The following GRM7 variants were observed in gnomAD, a reference collection of about 807,000 sequenced individuals.
GRM7 encodes glutamate metabotropic receptor 7.
GRM7 carries 35 observed loss-of-function variants against 84.5 expected under a neutral mutation model. The ratio of observed to expected loss-of-function variants is 0.41; its 90% confidence interval spans 0.32 to 0.55. The LOEUF (loss-of-function observed/expected upper bound fraction) is 0.55. GRM7 is among the 20% of genes least tolerant of loss of function. The probability of loss-of-function intolerance (pLI) is 0.19; values close to 1 mark genes in which losing one functional copy is unlikely to be tolerated. For synonymous variants in GRM7, 487 were observed against 455.1 expected, an observed-to-expected ratio of 1.07 and a Z score of -0.89; for missense variants, 1,003 against 1,194.6, an observed-to-expected ratio of 0.84 and a Z score of 2.36.
At chr3:7,184,820 A>C (rs1235379265) in intron 2 of GRM7, among the ~76,000 whole-genome samples, 1 of 151,984 alleles carries the variant, frequency 6.6e-6, no homozygotes, top group Non-Finnish European at 1.5e-5. Flanking sequence ...TGATTTCACT[A>C]TTGTTGATAT....
chr3:7,267,598 A>G (rs1385880070), intron 2 of GRM7, among the ~76,000 whole-genome samples: 2 of 152,198 alleles, frequency 1.3e-5, no homozygotes, highest in Admixed American at 1.3e-4. Flanking sequence ...AATCACTGAG[A>G]TGAGTATAAC....
In GRM7 at chr3:7,514,311, T is replaced by C. The variant is rs558017238; in HGVS notation, c.1515+52589T>C. Among the ~76,000 whole-genome samples, 6 of 152,380 alleles carry C rather than the reference T, an allele frequency of 3.9e-5. No homozygotes were observed. The East Asian group carries it at 1.2e-3, about 29-fold the overall frequency. On this transcript the variant is annotated intron_variant, in intron 7 of 9. Transcript: ENST00000357716. ...ACTCTAGGTAACTTTCAGCATAGAT[T>C]GGCTTAAGACCTATTGCAACAAAAG...
intron 1 of GRM7, among the ~76,000 whole-genome samples, chr3:6,976,516 TATACAGTC>T (rs1694004232): frequency 6.6e-6 from 1 of 152,194 alleles, no homozygotes; most frequent in South Asian, 2.1e-4. Flanking sequence ...TGCAATAACT[TATACAGTC>T]ATTGTAACTA....
intron 1 of GRM7, among the ~76,000 whole-genome samples, chr3:7,076,527 T>A (rs1698086304): frequency 6.6e-6 from 1 of 152,200 alleles, no homozygotes; most frequent in Non-Finnish European, 1.5e-5. Flanking sequence ...ACCATGACTG[T>A]CAGTTTCCTA....
intron 4 of GRM7, among the ~76,000 whole-genome samples, chr3:7,401,033 G>C (rs1695426651): frequency 6.6e-6 from 1 of 151,780 alleles, no homozygotes; most frequent in South Asian, 2.1e-4. Flanking sequence ...CTCAAACATT[G>C]AAAGTGTCTT....
At chr3:7,406,652 A>G (rs6775424) in intron 4 of GRM7, among the ~76,000 whole-genome samples, 53,711 of 152,124 alleles carry the variant, frequency 0.35, 10,651 homozygotes, top group Non-Finnish European at 0.46. Context: ...GGGCATTTTA[A>G]ATCAAAGCTG....
intron 4 of GRM7, among the ~76,000 whole-genome samples, chr3:7,336,807 A>G (rs1002493491): frequency 2.0e-4 from 30 of 151,942 alleles, no homozygotes; most frequent in African/African-American, 6.8e-4. Context: ...CTGTAAATCT[A>G]TATATAATAT....
chr3:7,295,630 T>A (rs1273777700), intron 2 of GRM7, among the ~76,000 whole-genome samples: 1 of 152,226 alleles, frequency 6.6e-6, no homozygotes, highest in East Asian at 1.9e-4. Context: ...CCATGTTTTA[T>A]AGTTTTCAGC....
intron 1 of GRM7, among the ~76,000 whole-genome samples, chr3:6,952,863 C>T (rs1692846727): frequency 6.6e-6 from 1 of 152,206 alleles, no homozygotes; most frequent in East Asian, 1.9e-4. Flanking sequence ...TTGTTACCAA[C>T]ATCCTCGTGG....
At chr3:7,250,820 A>G (rs1034793128) in intron 2 of GRM7, among the ~76,000 whole-genome samples, 3 of 152,160 alleles carry the variant, frequency 2.0e-5, no homozygotes, top group Non-Finnish European at 4.4e-5. Flanking sequence ...CACCGCATCA[A>G]GCCAATATTA....
chr3:7,301,673 T>C (rs946186279), intron 3 of GRM7, among the ~76,000 whole-genome samples: 2 of 45,294 alleles, frequency 4.4e-5, no homozygotes, highest in Non-Finnish European at 9.2e-5. Context: ...TTGGACTTGT[T>C]TGTGTGTTAA....
intron 4 of GRM7, among the ~76,000 whole-genome samples, chr3:7,316,458 TGA>T (rs1204224628): frequency 6.6e-6 from 1 of 151,748 alleles, no homozygotes; most frequent in East Asian, 1.9e-4. Context: ...AAAAAACAAA[TGA>T]GAGATGACAG....
At chr3:7,087,553 T>C (rs1239508304) in intron 1 of GRM7, among the ~76,000 whole-genome samples, 1 of 152,128 alleles carries the variant, frequency 6.6e-6, no homozygotes, top group Non-Finnish European at 1.5e-5. Flanking sequence ...AGACATAGAC[T>C]TTTAAATATC....
At chr3:7,136,336 C>T (rs1314168446) in intron 1 of GRM7, among the ~76,000 whole-genome samples, 2 of 151,794 alleles carry the variant, frequency 1.3e-5, no homozygotes, top group African/African-American at 4.8e-5. Context: ...GAAACTGCCT[C>T]TTTAAAATGA....
At chr3:7,562,339 T>C (rs1694061469) in intron 7 of GRM7, among the ~76,000 whole-genome samples, 1 of 150,732 alleles carries the variant, frequency 6.6e-6, no homozygotes, top group Non-Finnish European at 1.5e-5. Flanking sequence ...TAGTTCACTT[T>C]CCCCCTTATA....
chr3:6,990,778 G>T (rs1694605951), intron 1 of GRM7, among the ~76,000 whole-genome samples: 1 of 152,110 alleles, frequency 6.6e-6, no homozygotes, highest in African/African-American at 2.4e-5. Flanking sequence ...CTTTCCTAGT[G>T]AGATGTGCTT....
At chr3:7,102,814 C>G (rs1018392449) in intron 1 of GRM7, among the ~76,000 whole-genome samples, 3 of 151,694 alleles carry the variant, frequency 2.0e-5, no homozygotes, top group African/African-American at 7.3e-5. Context: ...CTTTCTTTGG[C>G]TATCTACAAT....
intron 4 of GRM7, among the ~76,000 whole-genome samples, chr3:7,355,904 G>A (rs1693375837): frequency 6.6e-6 from 1 of 152,038 alleles, no homozygotes; most frequent in African/African-American, 2.4e-5. Flanking sequence ...AGAAAGGGAA[G>A]ACTCGGTTTC....
intron 6 of GRM7, among the ~76,000 whole-genome samples, chr3:7,460,099 TAAAAAA>T (rs71066013): frequency 1.6e-4 from 8 of 49,544 alleles, no homozygotes; most frequent in East Asian, 9.3e-4. Flanking sequence ...CTTAAAATAG[TAAAAAA>T]AAAAAAAAAA....
Sources: gnomAD v4.1 joint callset for allele counts (sites outside exome capture counted in the v4.1 genomes callset) on GRCh38, gnomAD v4.1.1 for gene constraint, MANE v1.5 for transcripts, NCBI Gene and HGNC (gene_info 2026-07-23, HGNC 2026-07-21) for gene names.